The following SCAPER variants were observed in gnomAD, a reference collection of about 807,000 sequenced individuals.
SCAPER encodes the protein S-phase cyclin A associated protein in the ER.
A neutral mutation model predicts 182.2 loss-of-function variants in SCAPER; 98 were observed. That is an observed-to-expected ratio of 0.54 (90% confidence interval 0.46 to 0.64). The LOEUF is 0.64. Among genes scored for constraint, SCAPER ranks in the 30% least tolerant of loss-of-function variants. The pLI, the probability that SCAPER is intolerant of heterozygous loss-of-function variation, is 0.00. For missense variants in SCAPER, 1,432 were observed against 1,690.0 expected (o/e 0.85, Z 2.68); for synonymous variants, 605 against 564.6 (o/e 1.07, Z -1.01).
chr15:76,760,461 A>G (rs1160727199), intron 14 of SCAPER, among the ~76,000 whole-genome samples: 1 of 152,212 alleles, frequency 6.6e-6, no homozygotes, highest in Admixed American at 6.5e-5. Flanking sequence ...CAGGTGTGCC[A>G]CCTTCACATG....
At chr15:76,367,137 G>A (rs138428561) in intron 29 of SCAPER, among the ~76,000 whole-genome samples, 103 of 152,300 alleles carry the variant, frequency 6.8e-4, no homozygotes, top group African/African-American at 2.3e-3. Context: ...GAGCACCCAG[G>A]CTAACTCTTT....
At chr15:76,619,223 C>T (rs1051423079) in intron 22 of SCAPER, among the ~76,000 whole-genome samples, 6 of 152,198 alleles carry the variant, frequency 3.9e-5, no homozygotes, top group Non-Finnish European at 1.5e-5. Context: ...ACTTTTTATG[C>T]TCCAGCTTCT....
At chr15:76,585,028 T>C (rs74024154) in intron 22 of SCAPER, among the ~76,000 whole-genome samples, 12,619 of 152,290 alleles carry the variant, frequency 0.083, 596 homozygotes, top group Middle Eastern at 0.12. Flanking sequence ...CTTACTTTGA[T>C]AAGTCAAAGA....
chr15:76,368,898 C>T (rs557039433), intron 29 of SCAPER, among the ~76,000 whole-genome samples: 31 of 152,094 alleles, frequency 2.0e-4, no homozygotes, highest in Non-Finnish European at 3.8e-4. Flanking sequence ...GAGGGGTTGA[C>T]AGCACATACT....
At chr15:76,360,960 G>A (rs543237197) in intron 29 of SCAPER, among the ~76,000 whole-genome samples, 3 of 149,344 alleles carry the variant, frequency 2.0e-5, no homozygotes, top group South Asian at 2.1e-4. Context: ...ATTTTTGAAA[G>A]AAATGCTATT....
intron 27 of SCAPER, among the ~76,000 whole-genome samples, chr15:76,387,925 C>T (rs2043396364): frequency 6.6e-6 from 1 of 152,136 alleles, no homozygotes; most frequent in South Asian, 2.1e-4. Context: ...TAGGTGCCTA[C>T]CAGTTCAAAT....
chr15:76,808,403 C>T (rs1474220039), intron 5 of SCAPER, among the ~76,000 whole-genome samples: 1 of 152,174 alleles, frequency 6.6e-6, no homozygotes, highest in African/African-American at 2.4e-5. Flanking sequence ...CCAATTTTCA[C>T]AGCTCCCACC....
intron 21 of SCAPER, among the ~76,000 whole-genome samples, chr15:76,654,808 AG>A (rs2055485906): frequency 6.6e-6 from 1 of 152,206 alleles, no homozygotes; most frequent in African/African-American, 2.4e-5. Flanking sequence ...GTCTGGTTGC[AG>A]GGGGCCTGAA....
At position 76,495,924 on chromosome 15, in the gene SCAPER, T is replaced by C. The variant is rs79838836; in HGVS notation, c.2954+8935A>G. 8.1e-3 allele frequency among the ~76,000 whole-genome samples: 1,226 copies of C among 151,416 alleles called. 13 individuals carry two copies. Among genetic ancestry groups the C allele is most frequent in the African/African-American group, 0.028 (1,162 of 41,164 alleles). On this transcript the variant is annotated intron_variant, in intron 24 of 31. Transcript: ENST00000563290. ...AAAGCTTTATCTTGTAGCTGTAGGA[T>C]TAAAGTTCTGAGCTGTATTATGCTA...
intron 17 of SCAPER, among the ~76,000 whole-genome samples, chr15:76,728,077 A>G (rs2060699010): frequency 6.6e-6 from 1 of 152,122 alleles, no homozygotes; most frequent in South Asian, 2.1e-4. Context: ...AGGTCACACC[A>G]ATAAAAGGGA....
chr15:76,408,968 A>G (rs898773153), intron 26 of SCAPER, among the ~76,000 whole-genome samples: 2 of 152,132 alleles, frequency 1.3e-5, no homozygotes, highest in African/African-American at 4.8e-5. Flanking sequence ...AGCCAAGGCA[A>G]ACTGAAACAA....
intron 14 of SCAPER, among the ~76,000 whole-genome samples, chr15:76,756,243 C>CAAAAAAAAAAA (rs34158299): frequency 1.5e-5 from 1 of 66,006 alleles, no homozygotes; most frequent in Non-Finnish European, 2.7e-5. Flanking sequence ...GACTCCGTCT[C>CAAAAAAAAAAA]AAAAAAAAAA....
At chr15:76,528,797 A>T (rs1484105477) in intron 23 of SCAPER, among the ~76,000 whole-genome samples, 1 of 152,010 alleles carries the variant, frequency 6.6e-6, no homozygotes, top group East Asian at 1.9e-4. Context: ...TCTTTATCTG[A>T]CTCATCACTA....
At chr15:76,682,264 T>TCCCCCCCCCCCCCCC (rs573661987) in intron 20 of SCAPER, among the ~76,000 whole-genome samples, 3 of 130,518 alleles carry the variant, frequency 2.3e-5, no homozygotes, top group Non-Finnish European at 3.2e-5. Flanking sequence ...TCACCTCCCT[T>TCCCCCCCCCCCCCCC]CCCCCCCCCA....
At chr15:76,523,101 TC>T (rs764536466) in intron 23 of SCAPER, among the ~76,000 whole-genome samples, 16 of 152,064 alleles carry the variant, frequency 1.1e-4, no homozygotes, top group Non-Finnish European at 2.1e-4. Flanking sequence ...AGTATTCATG[TC>T]TTTAATAAAA....
At chr15:76,583,662 A>G (rs141053683) in intron 22 of SCAPER, among the ~76,000 whole-genome samples, 1 of 152,354 alleles carries the variant, frequency 6.6e-6, no homozygotes, top group East Asian at 1.9e-4. Context: ...ACACAGGTAT[A>G]TGAAAAGGTG....
chr15:76,783,057 C>T, intron 8 of SCAPER, among the ~76,000 whole-genome samples: 1 of 151,954 alleles, frequency 6.6e-6, no homozygotes, highest in Non-Finnish European at 1.5e-5. Flanking sequence ...GGGACAGAGA[C>T]ACAAAAAATC....
At chr15:76,742,413 G>A (rs939039848) in intron 15 of SCAPER, among the ~76,000 whole-genome samples, 1 of 112,464 alleles carries the variant, frequency 8.9e-6, no homozygotes, top group Non-Finnish European at 1.8e-5. Flanking sequence ...GAGCAGCAAA[G>A]GGGACAAAAA....
chr15:76,594,540 T>A (rs372426626), intron 22 of SCAPER, among the ~76,000 whole-genome samples: 1 of 119,584 alleles, frequency 8.4e-6, no homozygotes, highest in South Asian at 2.6e-4. Flanking sequence ...TTCACCAAGG[T>A]TGAAATGAAG....
Sources: gnomAD v4.1 joint callset for allele counts (sites outside exome capture counted in the v4.1 genomes callset) on GRCh38, gnomAD v4.1.1 for gene constraint, MANE v1.5 for transcripts, NCBI Gene and HGNC (gene_info 2026-07-23, HGNC 2026-07-21) for gene names.